Variants in TRPC7 observed in about 807,000 individuals in gnomAD.
The protein encoded by TRPC7 is transient receptor potential cation channel subfamily C member 7, also known as short transient receptor potential channel 7.
Under a neutral mutation model 90.1 loss-of-function variants are expected in TRPC7, and 42 were observed. The ratio of observed to expected loss-of-function variants is 0.47; its 90% CI spans 0.36 to 0.60. TRPC7 has a LOEUF of 0.60. TRPC7 is among the 20% of genes least tolerant of loss of function. TRPC7 has a pLI of 0.00. For missense variants in TRPC7, 955 were observed against 1,112.3 expected, an observed-to-expected ratio of 0.86 and a Z score of 2.01; for synonymous variants, 451 against 436.3, an observed-to-expected ratio of 1.03 and a Z score of -0.42.
intron 3 of TRPC7, among the ~76,000 whole-genome samples, chr5:136,314,649 T>TG (rs1157699237): frequency 3.3e-5 from 5 of 152,178 alleles, no homozygotes; most frequent in Admixed American, 3.3e-4. Flanking sequence ...TATATGGTTG[T>TG]TGAAGGCACA....
At chr5:136,278,784 C>T (rs903961212) in intron 3 of TRPC7, among the ~76,000 whole-genome samples, 10 of 152,172 alleles carry the variant, frequency 6.6e-5, no homozygotes, top group African/African-American at 2.4e-4. Flanking sequence ...CTTTTTGCAG[C>T]ACTGCCTTCA....
At chr5:136,329,947 A>G (rs1759449303) in intron 2 of TRPC7, among the ~76,000 whole-genome samples, 1 of 152,102 alleles carries the variant, frequency 6.6e-6, no homozygotes, top group Non-Finnish European at 1.5e-5. Flanking sequence ...ACAGCCACCC[A>G]GCATTCTCTG....
intron 2 of TRPC7, among the ~76,000 whole-genome samples, chr5:136,337,616 A>G (rs1257296441): frequency 6.6e-6 from 1 of 151,948 alleles, no homozygotes; most frequent in Non-Finnish European, 1.5e-5. Flanking sequence ...CAGTGAGCCA[A>G]GATTGTGCCA....
chr5:136,234,787 C>T (rs1755935503), intron 7 of TRPC7, among the ~76,000 whole-genome samples: 1 of 152,130 alleles, frequency 6.6e-6, no homozygotes, highest in African/African-American at 2.4e-5. Flanking sequence ...CATTTGTACC[C>T]ACATGTTCTT....
chr5:136,257,307 C>T lies in TRPC7; in HGVS notation c.1346-5425G>A, dbSNP rs182105591. Among the ~76,000 whole-genome samples, 11 of 151,898 alleles carry T rather than the reference C, an allele frequency of 7.2e-5. No homozygotes were observed. In the East Asian group the frequency reaches 9.7e-4, roughly 13 times the overall value. On this transcript the variant is annotated intron_variant, in intron 5 of 11. Coordinates refer to ENST00000513104, the MANE Select transcript of TRPC7 (RefSeq NM_020389.3). ...AAGCGATTCTTCTGCCTCAGCGTCC[C>T]GAGTAGCTGGGACTACAGGCACACG... is the stretch of plus-strand genomic sequence containing the variant.
chr5:136,323,360 ATT>A (rs1271327921), intron 2 of TRPC7, among the ~76,000 whole-genome samples: 6 of 151,954 alleles, frequency 3.9e-5, no homozygotes. Flanking sequence ...CCAATCTATT[ATT>A]TTGTCTTTTT....
chr5:136,363,441 A>G (rs978380057), intron 1 of TRPC7, among the ~76,000 whole-genome samples: 2 of 152,190 alleles, frequency 1.3e-5, no homozygotes, highest in African/African-American at 4.8e-5. Flanking sequence ...TAAGCTACTG[A>G]TAATAATTTG....
At chr5:136,238,032 T>G (rs1756043872) in intron 7 of TRPC7, among the ~76,000 whole-genome samples, 1 of 152,162 alleles carries the variant, frequency 6.6e-6, no homozygotes. Context: ...CTTCACTCAT[T>G]GCACTCTGCC....
At chr5:136,305,559 A>G (rs1758592125) in intron 3 of TRPC7, among the ~76,000 whole-genome samples, 1 of 152,096 alleles carries the variant, frequency 6.6e-6, no homozygotes, top group East Asian at 1.9e-4. Context: ...GCCCCAACTC[A>G]GCAAACTAAA....
At chr5:136,262,040 A>G (rs2149810392) in intron 5 of TRPC7, among the ~76,000 whole-genome samples, 1 of 152,258 alleles carries the variant, frequency 6.6e-6, no homozygotes, top group Non-Finnish European at 1.5e-5. Context: ...CCCATATACA[A>G]TCCAATTGTA....
At chr5:136,343,517 G>A (rs1169902953) in intron 2 of TRPC7, among the ~76,000 whole-genome samples, 1 of 152,196 alleles carries the variant, frequency 6.6e-6, no homozygotes, top group Middle Eastern at 3.2e-3. Flanking sequence ...AATCTGAACA[G>A]ACAGGCCTTG....
intron 10 of TRPC7, among the ~76,000 whole-genome samples, chr5:136,221,336 A>C (rs1407730323): frequency 1.3e-5 from 2 of 152,192 alleles, no homozygotes; most frequent in Non-Finnish European, 2.9e-5. Flanking sequence ...GAGGATGAAG[A>C]TGAGATGCAC....
At chr5:136,244,948 T>C (rs1039513375) in intron 7 of TRPC7, among the ~76,000 whole-genome samples, 7 of 152,222 alleles carry the variant, frequency 4.6e-5, no homozygotes, top group Non-Finnish European at 2.9e-5. Context: ...TATTCTCCCC[T>C]GAGGATAAAT....
intron 1 of TRPC7, among the ~76,000 whole-genome samples, chr5:136,360,761 TG>T (rs1462577442): frequency 6.6e-6 from 1 of 152,176 alleles, no homozygotes; most frequent in African/African-American, 2.4e-5. Flanking sequence ...TCAGTGAAAT[TG>T]CTTCCAATGC....
At chr5:136,268,708 C>T (rs542273960) in intron 4 of TRPC7, among the ~76,000 whole-genome samples, 17 of 152,092 alleles carry the variant, frequency 1.1e-4, no homozygotes, top group Non-Finnish European at 2.1e-4. Flanking sequence ...TACTATAAAC[C>T]ATAATAAAAA....
In TRPC7 at chr5:136,247,222, T is replaced by G. The variant is rs943842438; in HGVS notation, c.1844+249A>C. ...CTAGAAAACGTAGCATTCCTACATGTGATTTTTTTTTTTCTAAATGGGAAC... is the reference window on the plus strand; with the variant it reads ...CTAGAAAACGTAGCATTCCTACATGGGATTTTTTTTTTTCTAAATGGGAAC... On this transcript the variant is annotated intron_variant, in intron 7 of 11. Coordinates refer to ENST00000513104, the MANE Select transcript of TRPC7 (RefSeq NM_020389.3). The surrounding 1 kb of genome is among the most constrained non-coding windows in gnomAD (Gnocchi z 4.2). 1.1e-4 allele frequency among the ~76,000 whole-genome samples: 13 copies of G among 113,622 alleles called. No homozygotes were observed. The highest frequency in any genetic ancestry group is 2.3e-4 in the Non-Finnish European group (12 of 53,238). The allele number at this position is 113,622 out of a possible 152,430, so 74.5% of individuals were successfully genotyped here. A position where few individuals can be genotyped will look rare whatever the true frequency, so the allele number is the denominator to read the frequency against.
In TRPC7 at chr5:136,237,414, C is replaced by T. The variant is rs188137045; in HGVS notation, c.1845-5865G>A. The stretch of plus-strand genomic sequence containing the variant: ...TTTCTTCATCTTCGAAACTGCAAAC[C>T]TCATCAGAACCTGGTACACAGGAGG... On this transcript the variant is annotated intron_variant, in intron 7 of 11. Transcript: ENST00000513104. 1.4e-3 allele frequency among the ~76,000 whole-genome samples: 216 copies of T among 152,320 alleles called. 1 individual carries two copies. The highest frequency in any genetic ancestry group is 4.7e-3 in the African/African-American group (196 of 41,586).
intron 5 of TRPC7, among the ~76,000 whole-genome samples, chr5:136,254,783 C>T (rs1490649271): frequency 6.6e-6 from 1 of 152,156 alleles, no homozygotes; most frequent in Non-Finnish European, 1.5e-5. Flanking sequence ...GATTATTCTT[C>T]TGATGGATCT....
At chr5:136,305,073 C>A (rs1758565089) in intron 3 of TRPC7, among the ~76,000 whole-genome samples, 1 of 152,184 alleles carries the variant, frequency 6.6e-6, no homozygotes, top group Non-Finnish European at 1.5e-5. Flanking sequence ...ATACCTGACG[C>A]ATATACTTTC....
Sources: gnomAD v4.1 joint callset for allele counts (sites outside exome capture counted in the v4.1 genomes callset) on GRCh38, gnomAD v4.1.1 for gene constraint, Gnocchi (gnomAD v3.1) non-coding constraint, MANE v1.5 for transcripts, NCBI Gene and HGNC (gene_info 2026-07-23, HGNC 2026-07-21) for gene names.